Variants in GAREM1 observed in about 807,000 individuals in gnomAD.
GAREM1 encodes the protein GRB2-associated and regulator of MAPK protein 1.
In GAREM1, 26 loss-of-function variants were observed where a neutral mutation model predicts 71.3. The ratio of observed to expected loss-of-function variants is 0.36; its 90% CI spans 0.27 to 0.51. The LOEUF (loss-of-function observed/expected upper bound fraction) is 0.51, where lower values mean the gene tolerates loss of function less well. GAREM1 is among the 20% of genes least tolerant of loss of function. GAREM1 has a pLI of 0.95. For missense variants in GAREM1, 1,026 were observed against 1,103.1 expected, an observed-to-expected ratio of 0.93 and a Z score of 0.99; for synonymous variants, 440 against 433.2, an observed-to-expected ratio of 1.02 and a Z score of -0.20.
chr18:32,330,761 T>C (rs1038327350), intron 2 of GAREM1, among the ~76,000 whole-genome samples: 1 of 152,210 alleles, frequency 6.6e-6, no homozygotes, highest in African/African-American at 2.4e-5. Flanking sequence ...CACGCTTTTA[T>C]TTCTGGGGAG....
intron 2 of GAREM1, among the ~76,000 whole-genome samples, chr18:32,355,103 G>A (rs1245641923): frequency 6.6e-6 from 1 of 152,200 alleles, no homozygotes; most frequent in Non-Finnish European, 1.5e-5. Context: ...GAATTTGAAA[G>A]TAGGGTAGCT....
intron 1 of GAREM1, among the ~76,000 whole-genome samples, chr18:32,441,899 A>T (rs1323037323): frequency 6.6e-6 from 1 of 152,212 alleles, no homozygotes; most frequent in Non-Finnish European, 1.5e-5. Context: ...AGGTCACCGT[A>T]ACAGAACTTG....
chr18:32,436,860 C>CTAGGA (rs1291906918), intron 1 of GAREM1, among the ~76,000 whole-genome samples: 1 of 152,082 alleles, frequency 6.6e-6, no homozygotes, highest in African/African-American at 2.4e-5. Context: ...TCCTAGACTC[C>CTAGGA]TTTTTCAAAT....
chr18:32,392,804 T>C, intron 2 of GAREM1, 91 bp downstream of exon 2: 1 of 1,361,024 alleles, frequency 7.3e-7, no homozygotes, highest in Non-Finnish European at 1.0e-6. Context: ...CATTCTACTT[T>C]CTAGTTTACA....
In GAREM1 at chr18:32,296,135, G is replaced by T. The variant is rs113053978; in HGVS notation, c.394-7932C>A. Among the ~76,000 whole-genome samples, 998 of 151,944 alleles carry T rather than the reference G, an allele frequency of 6.6e-3. 18 individuals carry two copies. Among genetic ancestry groups the T allele is most frequent in the African/African-American group, 0.022 (922 of 41,448 alleles). On this transcript the variant is annotated intron_variant, in intron 3 of 5. Transcript: ENST00000269209. ...GCGGCACCATGCTCAGCTAATTTTT[G>T]TATTTTTAGTAGAGAAGGGGTTTCA...
chr18:32,325,970 G>T (rs1254867012), intron 2 of GAREM1, among the ~76,000 whole-genome samples: 2 of 152,154 alleles, frequency 1.3e-5, no homozygotes, highest in East Asian at 3.9e-4. Context: ...AGATACACTT[G>T]TCATGAATGA....
chr18:32,272,003 T>C (rs1567942842), intron 4 of GAREM1, among the ~76,000 whole-genome samples: 1 of 152,228 alleles, frequency 6.6e-6, no homozygotes, highest in African/African-American at 2.4e-5. Context: ...GCATACCTTG[T>C]CTACTTTTAG....
At chr18:32,429,361 T>G (rs2048603203) in intron 1 of GAREM1, among the ~76,000 whole-genome samples, 1 of 152,220 alleles carries the variant, frequency 6.6e-6, no homozygotes, top group Non-Finnish European at 1.5e-5. Flanking sequence ...CACTTAGGAT[T>G]ATTTCTATCA....
intron 1 of GAREM1, among the ~76,000 whole-genome samples, chr18:32,425,675 C>G (rs2048567114): frequency 6.6e-6 from 1 of 152,138 alleles, no homozygotes; most frequent in African/African-American, 2.4e-5. Flanking sequence ...AGGCTTGTAC[C>G]CTACCTCCTA....
intron 1 of GAREM1, among the ~76,000 whole-genome samples, chr18:32,443,937 A>T (rs895282041): frequency 6.6e-6 from 1 of 152,190 alleles, no homozygotes; most frequent in African/African-American, 2.4e-5. Flanking sequence ...TTCAGCCATG[A>T]AAAGAAATGA....
In GAREM1 at chr18:32,428,156, T is replaced by C. The variant is rs565576556; in HGVS notation, c.122-35121A>G. ...TTGACAAGCTTATGAATAAAAATGG[T>C]CGAAAAACTTGTATTTGCAAGTTTG... On this transcript the variant is annotated intron_variant, in intron 1 of 5. Coordinates refer to ENST00000269209, the MANE Select transcript of GAREM1 (RefSeq NM_001242409.2). 1.1e-4 allele frequency among the ~76,000 whole-genome samples: 17 copies of C among 152,326 alleles called. No homozygotes were observed. The South Asian group carries it at 3.3e-3, about 30-fold the overall frequency.
intron 2 of GAREM1, among the ~76,000 whole-genome samples, chr18:32,329,416 T>C (rs183564461): frequency 7.3e-5 from 11 of 150,858 alleles, no homozygotes; most frequent in African/African-American, 2.4e-4. Context: ...CCTATTAAGA[T>C]TGAAAAACTG....
At chr18:32,279,114 G>A (rs1234725286) in intron 4 of GAREM1, among the ~76,000 whole-genome samples, 2 of 152,182 alleles carry the variant, frequency 1.3e-5, no homozygotes, top group Admixed American at 1.3e-4. Flanking sequence ...CCTGAGCAAG[G>A]AGTGTACGTG....
intron 3 of GAREM1, among the ~76,000 whole-genome samples, chr18:32,294,582 G>C (rs2047121658): frequency 1.3e-5 from 2 of 152,070 alleles, no homozygotes; most frequent in South Asian, 4.1e-4. Context: ...TTCCAAAGAG[G>C]CACATAATTC....
At chr18:32,378,828 G>T (rs1280326594) in intron 2 of GAREM1, among the ~76,000 whole-genome samples, 1 of 152,152 alleles carries the variant, frequency 6.6e-6, no homozygotes, top group African/African-American at 2.4e-5. Flanking sequence ...TGTACTATTT[G>T]CTATTTCCAC....
At chr18:32,291,122 G>C (rs916529900) in intron 3 of GAREM1, among the ~76,000 whole-genome samples, 1 of 151,832 alleles carries the variant, frequency 6.6e-6, no homozygotes, top group Non-Finnish European at 1.5e-5. Flanking sequence ...AATAAACTAC[G>C]GTACACACAC....
intron 1 of GAREM1, among the ~76,000 whole-genome samples, chr18:32,464,854 G>T (rs1448385357): frequency 1.3e-5 from 2 of 150,318 alleles, no homozygotes; most frequent in Non-Finnish European, 3.0e-5. Flanking sequence ...GCACCACAAA[G>T]ACATACAGTT....
Position 32,287,106 on chromosome 18 carries a change from A to G in GAREM1, c.1491T>C (p.Pro497=), listed in dbSNP as rs1399751537. The change falls in exon 4 of 6, where the codon CCT becomes CCC. Residue 497 remains proline (P), a synonymous_variant. Coordinates refer to ENST00000269209, the MANE Select transcript of GAREM1 (RefSeq NM_001242409.2). The surrounding 1 kb of genome is among the most constrained non-coding windows in gnomAD (Gnocchi z 5.9). The part of the protein sequence containing the change: ...SKCATSPLPI[P]GTLGAAVKSS... ...ACTTCACTGCTGCTCCCAGAGTCCC[A>G]GGGATGGGAAGAGGAGAAGTCGCAC... is the stretch of plus-strand genomic sequence containing the variant. 2.5e-6 allele frequency: 4 copies of G among 1,614,122 alleles called. No homozygotes were observed. The highest frequency in any genetic ancestry group is 3.4e-6 in the Non-Finnish European group (4 of 1,179,934).
At chr18:32,285,401 C>T (rs1189462976) in intron 4 of GAREM1, among the ~76,000 whole-genome samples, 1 of 152,188 alleles carries the variant, frequency 6.6e-6, no homozygotes, top group East Asian at 1.9e-4. Flanking sequence ...GCCCTGGCAC[C>T]AGCCTTTCAG....
Sources: allele counts gnomAD v4.1 joint callset (sites outside exome capture counted in the v4.1 genomes callset), GRCh38; gene constraint gnomAD v4.1.1; non-coding constraint Gnocchi (gnomAD v3.1); transcripts MANE v1.5; gene names NCBI Gene and HGNC (gene_info 2026-07-23, HGNC 2026-07-21).